Variants in MAST4 observed in about 807,000 individuals in gnomAD.
The protein encoded by MAST4 is microtubule-associated serine/threonine-protein kinase 4.
MAST4 carries 89 observed loss-of-function variants against 162.7 expected under a neutral mutation model. That is an observed-to-expected ratio of 0.55 (90% CI 0.46 to 0.65). The LOEUF is 0.65. Among genes scored for constraint, MAST4 ranks in the 30% least tolerant of loss-of-function variants. MAST4 has a pLI of 0.00. For synonymous variants in MAST4, 1,479 were observed against 1,361.1 expected (o/e 1.09, Z -1.91); for missense variants, 3,153 against 3,374.0 (o/e 0.93, Z 1.62).
intron 1 of MAST4, among the ~76,000 whole-genome samples, chr5:66,703,473 T>C (rs917833471): frequency 6.6e-6 from 1 of 152,168 alleles, no homozygotes; most frequent in Non-Finnish European, 1.5e-5. Flanking sequence ...GGATAGGGAA[T>C]GGGAGTAGCA....
At chr5:67,004,422 C>T (rs369261641) in intron 4 of MAST4, among the ~76,000 whole-genome samples, 1 of 152,182 alleles carries the variant, frequency 6.6e-6, no homozygotes, top group Non-Finnish European at 1.5e-5. Context: ...TTTAAGTTTC[C>T]GCTTTTTTCA....
At chr5:66,788,607 C>CCAAAAAAAAAAA in intron 2 of MAST4, 63 bp from the exon 3 acceptor site, 1 of 1,373,722 alleles carries the variant, frequency 7.3e-7, no homozygotes, top group Non-Finnish European at 1.0e-6. Flanking sequence ...CCCCCACCCC[C>CCAAAAAAAAAAA]ATTGCAATAA....
intron 6 of MAST4, among the ~76,000 whole-genome samples, chr5:67,090,603 G>A (rs1033050877): frequency 6.6e-6 from 1 of 150,732 alleles, no homozygotes; most frequent in Non-Finnish European, 1.5e-5. Flanking sequence ...TTTCAAGGCA[G>A]CAATTTAGTG....
At chr5:66,757,024 C>A (rs1753582198) in intron 1 of MAST4, among the ~76,000 whole-genome samples, 1 of 151,910 alleles carries the variant, frequency 6.6e-6, no homozygotes, top group South Asian at 2.1e-4. Context: ...GGTTTTTTTT[C>A]TGTTTTCTCC....
At chr5:66,835,967 C>T (rs1043377484) in intron 3 of MAST4, among the ~76,000 whole-genome samples, 3 of 151,934 alleles carry the variant, frequency 2.0e-5, no homozygotes, top group South Asian at 2.1e-4. Context: ...CCCAGAAGTT[C>T]GAGATCAGCC....
chr5:66,697,967 A>G (rs1749513055), intron 1 of MAST4, among the ~76,000 whole-genome samples: 2 of 152,038 alleles, frequency 1.3e-5, no homozygotes, highest in South Asian at 2.1e-4. Flanking sequence ...TCCTAACTCG[A>G]TTCCCAACAT....
intron 2 of MAST4, among the ~76,000 whole-genome samples, chr5:66,784,340 A>G (rs1475635644): frequency 6.6e-6 from 1 of 152,094 alleles, no homozygotes; most frequent in Non-Finnish European, 1.5e-5. Context: ...ATTCTATACA[A>G]CCCCATATAC....
chr5:67,102,962 A>G (rs2150863654), intron 9 of MAST4, among the ~76,000 whole-genome samples: 1 of 152,326 alleles, frequency 6.6e-6, no homozygotes, highest in Admixed American at 6.5e-5. Context: ...CACATTGTTA[A>G]GTAGAGACTG....
chr5:67,003,272 C>G (rs1011806062), intron 4 of MAST4, among the ~76,000 whole-genome samples: 67 of 152,180 alleles, frequency 4.4e-4, no homozygotes, highest in African/African-American at 1.5e-3. Flanking sequence ...CTTTGTCTAC[C>G]TCTGTGGGTT....
intron 1 of MAST4, among the ~76,000 whole-genome samples, chr5:66,724,185 C>G (rs1252492128): frequency 1.3e-5 from 2 of 152,160 alleles, no homozygotes; most frequent in South Asian, 4.1e-4. Context: ...GAGCTCAGTT[C>G]ACTGTATTCT....
chr5:66,771,576 C>T (rs1754360777), intron 2 of MAST4, among the ~76,000 whole-genome samples: 1 of 152,048 alleles, frequency 6.6e-6, no homozygotes, highest in African/African-American at 2.4e-5. Flanking sequence ...TAACAGGATC[C>T]GTGAACAGAA....
At chr5:66,739,850 T>G (rs1484101470) in intron 1 of MAST4, among the ~76,000 whole-genome samples, 5 of 151,866 alleles carry the variant, frequency 3.3e-5, no homozygotes, top group Admixed American at 6.6e-5. Flanking sequence ...ACTCTTGTTT[T>G]TTTTTTTTTT....
At chr5:67,014,622 G>A (rs1258506760) in intron 4 of MAST4, among the ~76,000 whole-genome samples, 1 of 152,154 alleles carries the variant, frequency 6.6e-6, no homozygotes, top group Non-Finnish European at 1.5e-5. Context: ...GTTCAGGCAG[G>A]TTAGCCTTTG....
chr5:67,166,003 T>C lies in MAST4; in HGVS notation c.6824T>C (p.Leu2275Pro). 6.2e-7 allele frequency: 1 copy of C among 1,613,652 alleles called. No homozygotes were observed. The highest frequency in any genetic ancestry group is 1.3e-5 in the African/African-American group (1 of 75,044). The change falls in exon 29 of 29, where the codon CTG becomes CCG. Residue 2275 changes from leucine (L) to proline (P), a missense_variant. By Grantham distance (98) the Leu-to-Pro change is moderately conservative. This residue lies in a region of MAST4 where 1,644 missense variants were observed against 1,495.0 expected (regional missense o/e 1.10). Coordinates refer to ENST00000403625, the MANE Select transcript of MAST4 (RefSeq NM_001164664.2). ...GQGEGGPSVP[L>P]HTDRAPLDAK... The stretch of plus-strand genomic sequence containing the variant: ...GGAGAAGGTGGGCCCTCTGTCCCAC[T>C]GCACACTGACAGGGCTCCTCTAGAC...
chr5:67,097,032 C>T (rs1436839782), intron 7 of MAST4, among the ~76,000 whole-genome samples: 1 of 152,068 alleles, frequency 6.6e-6, no homozygotes, highest in Non-Finnish European at 1.5e-5. Flanking sequence ...TCTTTTAACT[C>T]CAAATTGTTT....
chr5:66,627,723 TA>T (rs11292285), intron 1 of MAST4, among the ~76,000 whole-genome samples: 32,684 of 147,902 alleles, frequency 0.22, 3,733 homozygotes, highest in South Asian at 0.36. Flanking sequence ...GTTTATCTGT[TA>T]AAAAAAAAAA....
intron 1 of MAST4, among the ~76,000 whole-genome samples, chr5:66,750,935 G>A (rs1013691638): frequency 1.8e-4 from 28 of 152,322 alleles, no homozygotes; most frequent in African/African-American, 3.1e-4. Flanking sequence ...CTCCCAGCAT[G>A]CAGCTGGAGA....
At chr5:66,716,450 ATCC>A (rs901457675) in intron 1 of MAST4, among the ~76,000 whole-genome samples, 15 of 152,116 alleles carry the variant, frequency 9.9e-5, no homozygotes, top group African/African-American at 3.1e-4. Context: ...AGCTCAAGCA[ATCC>A]TCCTATGTCA....
intron 3 of MAST4, among the ~76,000 whole-genome samples, chr5:66,887,557 A>G (rs941785504): frequency 1.6e-4 from 25 of 152,314 alleles, no homozygotes; most frequent in African/African-American, 5.5e-4. Context: ...CAGCATCATC[A>G]AGGGCCCTGG....
Sources: gnomAD v4.1 joint callset for allele counts (sites outside exome capture counted in the v4.1 genomes callset) on GRCh38, gnomAD v4.1.1 for gene constraint, gnomAD v4.1.1 regional missense constraint, MANE v1.5 for transcripts, NCBI Gene and HGNC (gene_info 2026-07-23, HGNC 2026-07-21) for gene names.